CACNA2D1: variants seen among roughly 807,000 people sequenced by gnomAD.
CACNA2D1 encodes voltage-dependent calcium channel subunit alpha-2/delta-1.
Under a neutral mutation model 171.5 loss-of-function variants are expected in CACNA2D1, and 53 were observed. That is an observed-to-expected ratio of 0.31 (90% CI 0.25 to 0.39). CACNA2D1 has a LOEUF of 0.39. Ranked by LOEUF, CACNA2D1 falls within the 10% of genes least tolerant of loss-of-function variation. CACNA2D1 has a pLI of 1.00. For missense variants in CACNA2D1, 903 were observed against 1,299.8 expected, an observed-to-expected ratio of 0.69 and a Z score of 4.69; for synonymous variants, 442 against 443.1, an observed-to-expected ratio of 1.00 and a Z score of 0.03.
intron 3 of CACNA2D1, among the ~76,000 whole-genome samples, chr7:82,237,537 T>A (rs1803752228): frequency 6.6e-6 from 1 of 152,002 alleles, no homozygotes. Flanking sequence ...GTACTTCTTA[T>A]TTTATAATCA....
intron 1 of CACNA2D1, among the ~76,000 whole-genome samples, chr7:82,424,605 A>T (rs1829017099): frequency 6.6e-6 from 1 of 152,236 alleles, no homozygotes; most frequent in South Asian, 2.1e-4. Context: ...TTACATTTCA[A>T]AAGAATTGTT....
intron 3 of CACNA2D1, among the ~76,000 whole-genome samples, chr7:82,185,927 C>T (rs923209077): frequency 1.3e-5 from 2 of 151,946 alleles, no homozygotes; most frequent in East Asian, 2.0e-4. Flanking sequence ...GAGGCCTAGG[C>T]AGGCGGATCA....
chr7:82,351,712 A>C (rs3801691), intron 1 of CACNA2D1, among the ~76,000 whole-genome samples: 28,897 of 152,126 alleles, frequency 0.19, 3,074 homozygotes, highest in Middle Eastern at 0.33. Context: ...AAAATATTAT[A>C]AGTAAATATT....
intron 7 of CACNA2D1, among the ~76,000 whole-genome samples, chr7:82,068,405 C>A (rs1807916348): frequency 6.6e-6 from 1 of 152,072 alleles, no homozygotes; most frequent in African/African-American, 2.4e-5. Flanking sequence ...AAGATGTTAA[C>A]CTCAGCCCAG....
At chr7:82,195,375 A>C (rs1798744116) in intron 3 of CACNA2D1, among the ~76,000 whole-genome samples, 1 of 151,990 alleles carries the variant, frequency 6.6e-6, no homozygotes, top group African/African-American at 2.4e-5. Context: ...ATAAAGATTC[A>C]GGAATCACCT....
intron 10 of CACNA2D1, among the ~76,000 whole-genome samples, chr7:82,052,074 G>A (rs1042636384): frequency 5.3e-5 from 8 of 152,080 alleles, no homozygotes; most frequent in African/African-American, 1.2e-4. Flanking sequence ...AAAAATGAGA[G>A]GCTACTTGAT....
intron 10 of CACNA2D1, among the ~76,000 whole-genome samples, chr7:82,055,605 C>T (rs1805741052): frequency 6.6e-6 from 1 of 151,312 alleles, no homozygotes; most frequent in Non-Finnish European, 1.5e-5. Context: ...GAGTTCATGT[C>T]CTTTGTAGGG....
intron 18 of CACNA2D1, among the ~76,000 whole-genome samples, chr7:81,997,664 T>TAAAAA (rs34518880): frequency 2.1e-5 from 3 of 139,970 alleles, no homozygotes; most frequent in African/African-American, 7.6e-5. Flanking sequence ...TTAAAATTTG[T>TAAAAA]AAAAAAAAAA....
chr7:82,087,537 T>C (rs557863350), intron 6 of CACNA2D1, among the ~76,000 whole-genome samples: 37 of 146,046 alleles, frequency 2.5e-4, no homozygotes, highest in African/African-American at 8.9e-4. Context: ...GAAAGTTTTT[T>C]CTCAAATAAT....
At chr7:82,149,796 A>AAAG (rs200977708) in intron 4 of CACNA2D1, among the ~76,000 whole-genome samples, 18,803 of 134,280 alleles carry the variant, frequency 0.14, 1,784 homozygotes, top group East Asian at 0.32. Context: ...ACAAACAACA[A>AAAG]AAAAAAAAAC....
At chr7:82,077,107 G>A (rs940547314) in intron 7 of CACNA2D1, among the ~76,000 whole-genome samples, 4 of 152,152 alleles carry the variant, frequency 2.6e-5, no homozygotes, top group African/African-American at 9.7e-5. Flanking sequence ...TAATTTAGAT[G>A]TATAAGTTGA....
At chr7:82,059,181 G>C (rs3801769) in intron 10 of CACNA2D1, among the ~76,000 whole-genome samples, 125,628 of 152,036 alleles carry the variant, frequency 0.83, 52,241 homozygotes, top group African/African-American at 0.9. Flanking sequence ...CAAATTCCTC[G>C]TCTTCACATC....
At chr7:82,429,659 T>TA (rs1165783085) in intron 1 of CACNA2D1, among the ~76,000 whole-genome samples, 1 of 152,180 alleles carries the variant, frequency 6.6e-6, no homozygotes, top group Non-Finnish European at 1.5e-5. Context: ...CTCATATAAT[T>TA]ATCACGCATG....
intron 10 of CACNA2D1, among the ~76,000 whole-genome samples, chr7:82,059,399 A>C (rs1300347124): frequency 6.6e-6 from 1 of 152,142 alleles, no homozygotes; most frequent in African/African-American, 2.4e-5. Context: ...TCAAATATCT[A>C]TTGGTTTTTA....
chr7:82,443,659 G>T lies in CACNA2D1; in HGVS notation c.-200C>A. The T allele has an allele frequency of 7.8e-7, 1 of 1,284,272 alleles. No individual in the cohort carries two copies. The highest frequency in any genetic ancestry group is 9.8e-7 in the Non-Finnish European group (1 of 1,023,494). 79.6% of individuals were successfully genotyped at this position (1,284,272 alleles called of 1,614,324 possible). On this transcript the variant is annotated 5_prime_UTR_variant, in exon 1 of 39. Coordinates refer to ENST00000356860, the MANE Select transcript of CACNA2D1 (RefSeq NM_000722.4). ...GGACGCCGAGGAAGGGGCGGTGGCG[G>T]GCGGACCCACTAGCGTGCGTCGGCT...
chr7:82,229,862 T>C (rs1299519780), intron 3 of CACNA2D1, among the ~76,000 whole-genome samples: 2 of 152,050 alleles, frequency 1.3e-5, no homozygotes, highest in African/African-American at 4.8e-5. Flanking sequence ...ACCAAATGCA[T>C]GTGATGATGG....
intron 3 of CACNA2D1, among the ~76,000 whole-genome samples, chr7:82,301,772 C>CAT (rs1309852067): frequency 1.5e-5 from 2 of 136,002 alleles, no homozygotes; most frequent in African/African-American, 2.7e-5. Context: ...CACACACACA[C>CAT]ATAGAGAGAG....
At chr7:82,264,760 G>T (rs913186567) in intron 3 of CACNA2D1, among the ~76,000 whole-genome samples, 2 of 152,030 alleles carry the variant, frequency 1.3e-5, no homozygotes, top group African/African-American at 4.8e-5. Context: ...CCTCATTTGC[G>T]ATTTTTAAAA....
intron 4 of CACNA2D1, among the ~76,000 whole-genome samples, chr7:82,146,944 C>G (rs1370009793): frequency 3.1e-5 from 4 of 128,750 alleles, no homozygotes; most frequent in Non-Finnish European, 6.2e-5. Flanking sequence ...GAGTCAGCAC[C>G]ACTGCTCTCC....
Sources: allele counts gnomAD v4.1 joint callset (sites outside exome capture counted in the v4.1 genomes callset), GRCh38; gene constraint gnomAD v4.1.1; transcripts MANE v1.5; gene names NCBI Gene and HGNC (gene_info 2026-07-23, HGNC 2026-07-21).